CTIF: variants seen among roughly 807,000 people sequenced by gnomAD.
CTIF encodes the protein CBP80/20-dependent translation initiation factor.
CTIF carries 21 observed loss-of-function variants against 66.0 expected under a neutral mutation model. That is an observed-to-expected ratio of 0.32 (90% CI 0.23 to 0.46). The LOEUF is 0.46. CTIF is among the 20% of genes least tolerant of loss of function. The pLI is 1.00. For missense variants in CTIF, 739 were observed against 812.7 expected, an observed-to-expected ratio of 0.91 and a Z score of 1.10; for synonymous variants, 345 against 326.4, an observed-to-expected ratio of 1.06 and a Z score of -0.62.
intron 6 of CTIF, among the ~76,000 whole-genome samples, chr18:48,709,196 G>A (rs1290278241): frequency 1.3e-5 from 2 of 152,258 alleles, no homozygotes; most frequent in African/African-American, 4.8e-5. Context: ...TCAAGAGGAA[G>A]AGCCAGGATC....
intron 9 of CTIF, among the ~76,000 whole-genome samples, chr18:48,764,359 A>G (rs1909308346): frequency 6.6e-6 from 1 of 152,198 alleles, no homozygotes; most frequent in Non-Finnish European, 1.5e-5. Flanking sequence ...ACTTAAACCA[A>G]TGGCCACATG....
At chr18:48,705,788 C>G (rs2092144676) in intron 6 of CTIF, among the ~76,000 whole-genome samples, 1 of 152,258 alleles carries the variant, frequency 6.6e-6, no homozygotes, top group Non-Finnish European at 1.5e-5. Context: ...TGTGCCTTGT[C>G]AAATGCCTTA....
rs34825594 is a variant in CTIF at position 48,592,497 on chromosome 18, C to CAAA, written c.-28-27027_-28-27025dup. On this transcript the variant is annotated intron_variant, in intron 1 of 11. Transcript: ENST00000256413. Reference sequence around the variant, plus strand: ...GGGGAACAAGAGTGAAACCCTGTCTCAAAAAAAAAAAAAAAAGAAAAAGAA... The same window carrying CAAA: ...GGGGAACAAGAGTGAAACCCTGTCTCAAAAAAAAAAAAAAAAAAAGAAAAAGAA... Among the ~76,000 whole-genome samples the CAAA allele has an allele frequency of 8.5e-5, 10 of 117,648 alleles. No individual in the cohort carries two copies. The South Asian group carries it at 2.0e-3, about 23-fold the overall frequency. The allele number at this position is 117,648 out of a possible 152,430, so 77.2% of individuals were successfully genotyped here.
At chr18:48,609,261 T>C (rs2090263591) in intron 1 of CTIF, among the ~76,000 whole-genome samples, 1 of 151,708 alleles carries the variant, frequency 6.6e-6, no homozygotes, top group Admixed American at 6.6e-5. Flanking sequence ...AGATCTGGGG[T>C]TCAGAGATAG....
Position 48,738,254 on chromosome 18 carries a change from G to A in CTIF, c.585-19665G>A, listed in dbSNP as rs907598668. On this transcript the variant is annotated intron_variant, in intron 7 of 11. Coordinates refer to ENST00000256413, the MANE Select transcript of CTIF (RefSeq NM_014772.3). Reference sequence around the variant, plus strand: ...TACTCCCTCTACTCCTGCCCGCTGGGCCAAGGCAGTGTGGGCTCTCACCGG... The same window carrying A: ...TACTCCCTCTACTCCTGCCCGCTGGACCAAGGCAGTGTGGGCTCTCACCGG... 4.6e-5 allele frequency among the ~76,000 whole-genome samples: 7 copies of A among 152,166 alleles called. No homozygotes were observed. In the East Asian group the frequency reaches 9.6e-4, roughly 21 times the overall value.
rs750064652 is a variant in CTIF at position 48,862,983 on chromosome 18, G to GACA, written c.*3427_*3429dup. 7.9e-5 allele frequency: 12 copies of GACA among 152,288 alleles called. No individual in the cohort carries two copies. The East Asian group carries it at 9.6e-4, about 12-fold the overall frequency. The allele number at this position is 152,288 out of a possible 1,614,324, so 9.4% of individuals were successfully genotyped here. A position where few individuals can be genotyped will look rare whatever the true frequency, so the allele number is the denominator to read the frequency against. On this transcript the variant is annotated 3_prime_UTR_variant, in exon 12 of 12. Transcript: ENST00000256413. ...GAGGACACAGATCAGAAGAAAGAAAGACAACTTTCCTCTGCGCGGAACACT... is the reference window on the plus strand; with the variant it reads ...GAGGACACAGATCAGAAGAAAGAAAGACAACAACTTTCCTCTGCGCGGAACACT...
At chr18:48,820,108 G>T (rs12960565) in intron 10 of CTIF, among the ~76,000 whole-genome samples, 12,039 of 152,232 alleles carry the variant, frequency 0.079, 555 homozygotes, top group Non-Finnish European at 0.11. Flanking sequence ...GGGACAAACA[G>T]CTGGTCCATG....
intron 7 of CTIF, among the ~76,000 whole-genome samples, chr18:48,745,947 A>G (rs560448404): frequency 1.1e-3 from 160 of 152,294 alleles, no homozygotes; most frequent in African/African-American, 3.7e-3. Flanking sequence ...TCCGTTTCAC[A>G]TTTCCTCTCC....
intron 9 of CTIF, among the ~76,000 whole-genome samples, chr18:48,776,269 C>T (rs1910663634): frequency 6.6e-6 from 1 of 152,224 alleles, no homozygotes; most frequent in Non-Finnish European, 1.5e-5. Context: ...CCCAACCAGC[C>T]CCTCTTTGTG....
chr18:48,712,279 C>T (rs2092233350), intron 7 of CTIF, among the ~76,000 whole-genome samples: 1 of 152,130 alleles, frequency 6.6e-6, no homozygotes, highest in Non-Finnish European at 1.5e-5. Flanking sequence ...AGCTCAGACT[C>T]CCGAGTGACA....
At position 48,822,505 on chromosome 18, in the gene CTIF, A is replaced by AAC. The variant is rs56745285; in HGVS notation, c.1527+5163_1527+5164dup. Among the ~76,000 whole-genome samples, 699 of 107,652 alleles carry AAC rather than the reference A, an allele frequency of 6.5e-3. 2 individuals are homozygous for AAC. Among genetic ancestry groups the AAC allele is most frequent in the Middle Eastern group, 0.018 (4 of 224 alleles). The allele number at this position is 107,652 out of a possible 152,430, so 70.6% of individuals were successfully genotyped here. ...TCTTCATCTCCCCACCCCCACCCCCAACACACACACACACACACACACACA... is the reference window on the plus strand; with the variant it reads ...TCTTCATCTCCCCACCCCCACCCCCAACACACACACACACACACACACACACA... On this transcript the variant is annotated intron_variant, in intron 10 of 11. Coordinates refer to ENST00000256413, the MANE Select transcript of CTIF (RefSeq NM_014772.3).
intron 3 of CTIF, among the ~76,000 whole-genome samples, chr18:48,655,478 C>T (rs1035650767): frequency 3.3e-5 from 5 of 152,106 alleles, no homozygotes; most frequent in Non-Finnish European, 5.9e-5. Flanking sequence ...GTGAGAGAAC[C>T]GTATTAGGGT....
chr18:48,713,607 A>G (rs1321406295), intron 7 of CTIF, among the ~76,000 whole-genome samples: 1 of 152,104 alleles, frequency 6.6e-6, no homozygotes, highest in African/African-American at 2.4e-5. Context: ...AAAGTGAGGC[A>G]ATAAAGATGA....
chr18:48,784,020 A>G (rs1911487172), intron 9 of CTIF, among the ~76,000 whole-genome samples: 1 of 152,222 alleles, frequency 6.6e-6, no homozygotes. Context: ...TTCCACACCA[A>G]GATTCATTCA....
rs536563199 is a variant in CTIF at position 48,715,002 on chromosome 18, G to A, written c.584+3307G>A. Among the ~76,000 whole-genome samples the A allele has an allele frequency of 1.2e-4, 19 of 152,246 alleles. 2 individuals are homozygous for A. In the South Asian group the frequency reaches 3.1e-3, roughly 25 times the overall value. Reference sequence around the variant, plus strand: ...TGGAGCACAGGTGTCTGCAGTGAGCGGGGAGCTTTTGTCCTGTGATTGTGG... The same window carrying A: ...TGGAGCACAGGTGTCTGCAGTGAGCAGGGAGCTTTTGTCCTGTGATTGTGG... On this transcript the variant is annotated intron_variant, in intron 7 of 11. Coordinates refer to ENST00000256413, the MANE Select transcript of CTIF (RefSeq NM_014772.3).
chr18:48,855,823 G>A lies in CTIF; in HGVS notation c.1528-1765G>A, dbSNP rs145962265. On this transcript the variant is annotated intron_variant, in intron 10 of 11. Transcript: ENST00000256413. The stretch of plus-strand genomic sequence containing the variant: ...ACTACCAGAACCTGGTACCTTCTTG[G>A]TTATGGATGGTAAGGGGAGAGCAAA... Among the ~76,000 whole-genome samples the A allele has an allele frequency of 6.2e-4, 94 of 152,328 alleles. No homozygotes were observed. In the East Asian group the frequency reaches 0.016, roughly 25 times the overall value.
intron 2 of CTIF, among the ~76,000 whole-genome samples, chr18:48,634,939 G>T (rs2090785810): frequency 1.3e-5 from 2 of 152,160 alleles, no homozygotes; most frequent in Non-Finnish European, 2.9e-5. Flanking sequence ...TTGATTACCT[G>T]TTGAAGTGAT....
At chr18:48,591,604 T>C (rs550451222) in intron 1 of CTIF, among the ~76,000 whole-genome samples, 47 of 152,288 alleles carry the variant, frequency 3.1e-4, no homozygotes, top group Middle Eastern at 3.4e-3. Flanking sequence ...ATAGCTATCA[T>C]TGTGGTGCGC....
intron 7 of CTIF, among the ~76,000 whole-genome samples, chr18:48,742,232 G>T (rs1189469983): frequency 6.6e-6 from 1 of 152,236 alleles, no homozygotes; most frequent in Non-Finnish European, 1.5e-5. Flanking sequence ...AAGAGAAGAT[G>T]TGTTGAGGCA....
Sources: gnomAD v4.1 joint callset for allele counts (sites outside exome capture counted in the v4.1 genomes callset) on GRCh38, gnomAD v4.1.1 for gene constraint, MANE v1.5 for transcripts, NCBI Gene and HGNC (gene_info 2026-07-23, HGNC 2026-07-21) for gene names.